Variants in PCDH9 observed in about 807,000 individuals in gnomAD.
PCDH9 encodes protocadherin-9.
Under a neutral mutation model 70.6 loss-of-function variants are expected in PCDH9, and 24 were observed. The observed-to-expected ratio is 0.34, with a 90% CI of 0.25 to 0.48. The LOEUF is 0.48. Ranked by LOEUF, PCDH9 falls within the 20% of genes least tolerant of loss-of-function variation. The pLI, the probability that PCDH9 is intolerant of heterozygous loss-of-function variation, is 0.99. For synonymous variants in PCDH9, 562 were observed against 558.5 expected, an observed-to-expected ratio of 1.01 and a Z score of -0.09; for missense variants, 1,281 against 1,503.6, an observed-to-expected ratio of 0.85 and a Z score of 2.45.
intron 3 of PCDH9, among the ~76,000 whole-genome samples, chr13:66,870,412 C>T (rs1207451022): frequency 3.3e-5 from 5 of 152,016 alleles, no homozygotes; most frequent in Non-Finnish European, 7.4e-5. Context: ...TAAAGAGCTT[C>T]TTCACAGCAA....
chr13:66,413,969 C>A (rs1019073584), intron 4 of PCDH9, among the ~76,000 whole-genome samples: 6 of 151,856 alleles, frequency 4.0e-5, no homozygotes, highest in Non-Finnish European at 8.8e-5. Context: ...AAATGTGGTT[C>A]TTTTTCTTCC....
chr13:66,694,913 T>G (rs1042011716), intron 3 of PCDH9, among the ~76,000 whole-genome samples: 96 of 151,738 alleles, frequency 6.3e-4, no homozygotes, highest in Non-Finnish European at 9.1e-4. Context: ...TACTTTTTTT[T>G]TTTTTTTTGA....
At chr13:66,936,609 A>G (rs565122242) in intron 2 of PCDH9, among the ~76,000 whole-genome samples, 2 of 152,334 alleles carry the variant, frequency 1.3e-5, no homozygotes, top group Admixed American at 1.3e-4. Context: ...TTACATAGGC[A>G]TAGGAGACCT....
At chr13:66,446,750 C>G (rs114826446) in intron 4 of PCDH9, among the ~76,000 whole-genome samples, 1,986 of 151,980 alleles carry the variant, frequency 0.013, 45 homozygotes, top group African/African-American at 0.046. Context: ...TAGCATCGGT[C>G]AAATGTTAGA....
At chr13:66,524,638 T>C (rs1960136529) in intron 4 of PCDH9, among the ~76,000 whole-genome samples, 1 of 151,942 alleles carries the variant, frequency 6.6e-6, no homozygotes. Context: ...CGGAAGAGAA[T>C]CCAAAGAAAG....
chr13:66,760,840 G>C (rs914389517), intron 3 of PCDH9, among the ~76,000 whole-genome samples: 3 of 152,130 alleles, frequency 2.0e-5, no homozygotes, highest in African/African-American at 7.2e-5. Flanking sequence ...TGCTCTGGGA[G>C]TGTCTATCTT....
rs1035232035 is a variant in PCDH9 at position 66,303,979 on chromosome 13, C to A, written c.*676G>T. On this transcript the variant is annotated 3_prime_UTR_variant, in exon 5 of 5. Coordinates refer to ENST00000377865, the MANE Select transcript of PCDH9 (RefSeq NM_203487.3). ...AGACAGACTACTAACACAGAAACAC[C>A]TCACTGAAAGAAACAACAAAAATAA... 3 of 152,118 alleles carry A rather than the reference C, an allele frequency of 2.0e-5. No individual in the cohort carries two copies. Among genetic ancestry groups the A allele is most frequent in the Middle Eastern group, 3.4e-3 (1 of 292 alleles). 9.4% of individuals were successfully genotyped at this position (152,118 alleles called of 1,614,324 possible). A position where few individuals can be genotyped will look rare whatever the true frequency, so the allele number is the denominator to read the frequency against.
chr13:66,690,705 C>G lies in PCDH9; in HGVS notation c.3139-59294G>C, dbSNP rs553640276. ...GTGGAACCTGAGTTGGCAAAGTAGT[C>G]CAGAGGATAGATGTCAAAATCAGGG... On this transcript the variant is annotated intron_variant, in intron 3 of 4. Coordinates refer to ENST00000377865, the MANE Select transcript of PCDH9 (RefSeq NM_203487.3). Among the ~76,000 whole-genome samples, 9 of 152,264 alleles carry G rather than the reference C, an allele frequency of 5.9e-5. No homozygotes were observed. In the South Asian group the frequency reaches 1.9e-3, roughly 32 times the overall value.
rs1342754656 is a variant in PCDH9, at chr13:67,107,272, G to A, written c.3036+118133C>T. ...CCCCTCCTTCAAGCCCGTGTCAGCC[G>A]AAGCATGGGGGCCGGGCTGTCACTT... On this transcript the variant is annotated intron_variant, in intron 2 of 4. Transcript: ENST00000377865. Among the ~76,000 whole-genome samples the A allele has an allele frequency of 4.2e-5, 6 of 143,664 alleles. No homozygotes were observed. The South Asian group carries it at 6.8e-4, about 16-fold the overall frequency. The allele number at this position is 143,664 out of a possible 152,430, so 94.2% of individuals were successfully genotyped here.
chr13:66,831,914 C>T (rs1415957957), intron 3 of PCDH9, among the ~76,000 whole-genome samples: 1 of 151,946 alleles, frequency 6.6e-6, no homozygotes, highest in East Asian at 1.9e-4. Flanking sequence ...AAAAAAGTGC[C>T]AAAATGTCTG....
intron 2 of PCDH9, among the ~76,000 whole-genome samples, chr13:66,936,384 G>A (rs2082916293): frequency 1.3e-5 from 2 of 152,012 alleles, no homozygotes; most frequent in African/African-American, 4.8e-5. Context: ...CCAAAAACTC[G>A]ATCTAGATCT....
chr13:66,681,665 T>C (rs991941480), intron 3 of PCDH9, among the ~76,000 whole-genome samples: 1 of 152,074 alleles, frequency 6.6e-6, no homozygotes, highest in African/African-American at 2.4e-5. Flanking sequence ...GCCTGACTGC[T>C]TCCTTTTATC....
At chr13:66,510,874 G>T (rs1396590061) in intron 4 of PCDH9, among the ~76,000 whole-genome samples, 1 of 152,062 alleles carries the variant, frequency 6.6e-6, no homozygotes, top group Admixed American at 6.6e-5. Flanking sequence ...AGCTACGTTT[G>T]AATATATATG....
At chr13:66,381,041 C>T (rs1472177774) in intron 4 of PCDH9, among the ~76,000 whole-genome samples, 1 of 152,132 alleles carries the variant, frequency 6.6e-6, no homozygotes, top group Non-Finnish European at 1.5e-5. Context: ...CTAGTTACCC[C>T]ATCTTTACTC....
At chr13:67,069,608 C>T (rs2085719200) in intron 2 of PCDH9, among the ~76,000 whole-genome samples, 1 of 152,158 alleles carries the variant, frequency 6.6e-6, no homozygotes, top group Admixed American at 6.6e-5. Context: ...TGAGAATGAG[C>T]AGCTTGATCT....
intron 3 of PCDH9, among the ~76,000 whole-genome samples, chr13:66,680,253 T>G (rs1363633781): frequency 6.6e-6 from 1 of 151,998 alleles, no homozygotes; most frequent in Admixed American, 6.6e-5. Flanking sequence ...TTGATGCTGA[T>G]TCAGTGTTTC....
chr13:66,891,476 AAAC>A (rs2082094753), intron 3 of PCDH9, among the ~76,000 whole-genome samples: 1 of 152,120 alleles, frequency 6.6e-6, no homozygotes, highest in South Asian at 2.1e-4. Context: ...AAATTGCTTA[AAAC>A]TAAATAGTAA....
intron 3 of PCDH9, among the ~76,000 whole-genome samples, chr13:66,763,237 G>A (rs2079656763): frequency 6.6e-6 from 1 of 151,886 alleles, no homozygotes; most frequent in Non-Finnish European, 1.5e-5. Flanking sequence ...AGAAAGCCAT[G>A]ATAAATACAT....
chr13:66,705,559 C>A (rs975195288), intron 3 of PCDH9, among the ~76,000 whole-genome samples: 1 of 152,058 alleles, frequency 6.6e-6, no homozygotes, highest in Non-Finnish European at 1.5e-5. Context: ...TGGTATAATG[C>A]GTGGCATTTT....
Sources: gnomAD v4.1 joint callset for allele counts (sites outside exome capture counted in the v4.1 genomes callset) on GRCh38, gnomAD v4.1.1 for gene constraint, MANE v1.5 for transcripts, NCBI Gene and HGNC (gene_info 2026-07-23, HGNC 2026-07-21) for gene names.